DDX42: variants seen among roughly 807,000 people sequenced by gnomAD.
The protein encoded by DDX42 is DEAD-box helicase 42, also known as ATP-dependent RNA helicase DDX42.
In DDX42, 22 loss-of-function variants were observed where a neutral mutation model predicts 101.5. That is an observed-to-expected ratio of 0.22 (90% CI 0.15 to 0.31). The LOEUF is 0.31. DDX42 is among the 10% of genes least tolerant of loss of function. The probability of loss-of-function intolerance (pLI) is 1.00; values close to 1 mark genes in which losing one functional copy is unlikely to be tolerated. For synonymous variants in DDX42, 402 were observed against 401.2 expected, an observed-to-expected ratio of 1.00 and a Z score of -0.02; for missense variants, 849 against 1,199.9, an observed-to-expected ratio of 0.71 and a Z score of 4.32.
intron 3 of DDX42, among the ~76,000 whole-genome samples, chr17:63,792,986 G>A (rs112276903): frequency 6.6e-6 from 1 of 152,068 alleles, no homozygotes; most frequent in Non-Finnish European, 1.5e-5. Context: ...TGACCTCCCT[G>A]TAGAAATTTA....
intron 11 of DDX42, 31 bp downstream of exon 11, chr17:63,809,690 C>T: frequency 6.4e-7 from 1 of 1,562,822 alleles, no homozygotes; most frequent in Non-Finnish European, 8.8e-7. Context: ...TCTTCTGTCC[C>T]CATCCTCATG....
chr17:63,807,382 C>CTGCCCACCTCG lies in DDX42; in HGVS notation c.847-341_847-331dup, dbSNP rs1326562076. Among the ~76,000 whole-genome samples, 9 of 152,306 alleles carry CTGCCCACCTCG rather than the reference C, an allele frequency of 5.9e-5. No homozygotes were observed. The East Asian group carries it at 7.7e-4, about 13-fold the overall frequency. ...TCTCGAGCTCCTGAGCTCAGGGAAC[C>CTGCCCACCTCG]TGCCCACCTCGGCCTCCCAAAGTGC... On this transcript the variant is annotated intron_variant, in intron 8 of 17. Coordinates refer to ENST00000389924, the MANE Select transcript of DDX42 (RefSeq NM_203499.3).
Position 63,798,103 on chromosome 17 carries a change from AGTT to A in DDX42, c.434+8_434+10del. ...ACAAGGAAAGAAAAAACGTAAAGTA[AGTT>A]GTTTTCTTCTCCCTCACAAAGGTTA... On this transcript the variant is annotated splice_donor_5th_base_variant and intron_variant, in intron 4 of 17. Coordinates refer to ENST00000389924, the MANE Select transcript of DDX42 (RefSeq NM_203499.3). The A allele has an allele frequency of 1.9e-6, 3 of 1,613,234 alleles. No individual in the cohort carries two copies. Among genetic ancestry groups the A allele is most frequent in the Non-Finnish European group, 2.5e-6 (3 of 1,179,614 alleles).
chr17:63,798,061 G>C lies in DDX42; in HGVS notation c.396G>C (p.Lys132Asn), dbSNP rs1378428283. The change falls in exon 4 of 18, where the codon AAG (lysine) becomes AAC (asparagine). Residue 132 changes from lysine (K) to asparagine (N), a missense_variant. Lys to Asn is a moderately conservative substitution (Grantham distance 94, BLOSUM62 0). Transcript: ENST00000389924. ...AGGATCAGGCAGCTAGAGACATGAA[G>C]AGGCTTGAAGAAAAGGACAAGGAAA... ...EVEDQAARDM[K>N]RLEEKDKERK... 6.2e-7 allele frequency: 1 copy of C among 1,613,458 alleles called. No homozygotes were observed.
At chr17:63,777,213 A>G (rs967962316) in intron 1 of DDX42, among the ~76,000 whole-genome samples, 1 of 151,684 alleles carries the variant, frequency 6.6e-6, no homozygotes, top group South Asian at 2.1e-4. Flanking sequence ...CCAGCCAGCC[A>G]TAGGATTTAG....
chr17:63,817,378 A>AT (rs2039988844), intron 17 of DDX42: 19 of 316,178 alleles, frequency 6.0e-5, no homozygotes, highest in South Asian at 1.9e-4. Context: ...GCAGTATGAA[A>AT]ATTTTTTTTA....
chr17:63,802,971 C>A (rs1222992059), intron 6 of DDX42, among the ~76,000 whole-genome samples: 1 of 151,544 alleles, frequency 6.6e-6, no homozygotes, highest in African/African-American at 2.4e-5. Context: ...CTTACATCTA[C>A]CACAGTAGGC....
Position 63,799,585 on chromosome 17 carries a change from C to T in DDX42, c.435-4C>T. The T allele has an allele frequency of 6.2e-7, 1 of 1,612,760 alleles. No individual in the cohort carries two copies. The highest frequency in any genetic ancestry group is 1.1e-5 in the South Asian group (1 of 90,932). On this transcript the variant is annotated splice_polypyrimidine_tract_variant and splice_region_variant and intron_variant, in intron 4 of 17. Transcript: ENST00000389924. The stretch of plus-strand genomic sequence containing the variant: ...GAAGTTTGTTTCTCCGCTTGTTTTT[C>T]CAGGGGTATTCGAGATGACATTGAA...
At chr17:63,811,658 C>A in intron 13 of DDX42, 1 of 542,572 alleles carries the variant, frequency 1.8e-6, no homozygotes. Flanking sequence ...GTTATGGCTG[C>A]TTAGAGAATC....
chr17:63,775,287 A>G (rs981845804), intron 1 of DDX42: 6 of 152,580 alleles, frequency 3.9e-5, no homozygotes, highest in African/African-American at 1.4e-4. Flanking sequence ...CTAATGTGCA[A>G]TTCGTTCATT....
chr17:63,816,852 G>C lies in DDX42; in HGVS notation c.2014-16G>C. ...TGCTTATTTTTTCATTCTCATAGAT[G>C]TGTTTATTTTTTTAGGATCGAGGAA... On this transcript the variant is annotated splice_polypyrimidine_tract_variant and intron_variant, in intron 16 of 17. Coordinates refer to ENST00000389924, the MANE Select transcript of DDX42 (RefSeq NM_203499.3). 1 of 1,602,730 alleles carries C rather than the reference G, an allele frequency of 6.2e-7. No individual in the cohort carries two copies. Among genetic ancestry groups the C allele is most frequent in the Non-Finnish European group, 8.5e-7 (1 of 1,173,310 alleles).
At chr17:63,775,429 C>T (rs1269317029) in intron 1 of DDX42, among the ~76,000 whole-genome samples, 1 of 151,948 alleles carries the variant, frequency 6.6e-6, no homozygotes, top group Non-Finnish European at 1.5e-5. Context: ...ATATATTATA[C>T]TGAATGTTAG....
chr17:63,804,804 G>A (rs2039818817), intron 6 of DDX42, among the ~76,000 whole-genome samples: 1 of 152,072 alleles, frequency 6.6e-6, no homozygotes, highest in African/African-American at 2.4e-5. Flanking sequence ...AGCCAGGATC[G>A]CACCACTGCA....
chr17:63,801,778 A>G (rs764298110), intron 6 of DDX42, among the ~76,000 whole-genome samples: 1 of 152,072 alleles, frequency 6.6e-6, no homozygotes, highest in Admixed American at 6.5e-5. Flanking sequence ...TAATTGCTAT[A>G]AATTTTTACT....
At chr17:63,798,469 A>G (rs1476560873) in intron 4 of DDX42, among the ~76,000 whole-genome samples, 1 of 152,242 alleles carries the variant, frequency 6.6e-6, no homozygotes, top group Non-Finnish European at 1.5e-5. Context: ...GATTATGAGA[A>G]GTAATGGCAA....
intron 6 of DDX42, among the ~76,000 whole-genome samples, chr17:63,803,632 A>G (rs568021288): frequency 1.4e-5 from 2 of 148,112 alleles, no homozygotes; most frequent in East Asian, 4.0e-4. Flanking sequence ...TTTTTCAACT[A>G]CGTATTTTTC....
intron 1 of DDX42, chr17:63,776,081 G>A (rs888321583): frequency 2.0e-5 from 3 of 152,204 alleles, no homozygotes; most frequent in Non-Finnish European, 4.4e-5. Flanking sequence ...TATATGTAGA[G>A]TAGATGCTAA....
chr17:63,781,733 G>A (rs557260686), intron 1 of DDX42, among the ~76,000 whole-genome samples: 30 of 151,982 alleles, frequency 2.0e-4, no homozygotes, highest in South Asian at 1.2e-3. Context: ...TTACTGGGCC[G>A]GATGTGGTGG....
At chr17:63,806,928 A>G (rs2039848596) in intron 8 of DDX42, among the ~76,000 whole-genome samples, 1 of 152,200 alleles carries the variant, frequency 6.6e-6, no homozygotes, top group Non-Finnish European at 1.5e-5. Flanking sequence ...ACTGTCAATG[A>G]CTAGAATTCC....
Sources: gnomAD v4.1 joint callset for allele counts (sites outside exome capture counted in the v4.1 genomes callset) on GRCh38, gnomAD v4.1.1 for gene constraint, MANE v1.5 for transcripts, NCBI Gene and HGNC (gene_info 2026-07-23, HGNC 2026-07-21) for gene names.